Variants in GPC5 observed in about 807,000 individuals in gnomAD.
GPC5 encodes glypican-5.
GPC5 carries 47 observed loss-of-function variants against 53.9 expected under a neutral mutation model. The observed-to-expected ratio is 0.87, with a 90% CI of 0.69 to 1.11. The LOEUF (loss-of-function observed/expected upper bound fraction) is 1.11. Among genes scored for constraint, GPC5 ranks in the 50% most tolerant of loss-of-function variants. The probability of loss-of-function intolerance (pLI) is 0.00; values close to 1 mark genes in which losing one functional copy is unlikely to be tolerated. For missense variants in GPC5, 748 were observed against 713.1 expected (o/e 1.05, Z -0.56); for synonymous variants, 286 against 263.3 (o/e 1.09, Z -0.84).
chr13:92,051,958 A>G lies in GPC5; in HGVS notation c.1402-92872A>G, dbSNP rs144463317. Among the ~76,000 whole-genome samples, 14 of 152,260 alleles carry G rather than the reference A, an allele frequency of 9.2e-5. No homozygotes were observed. The East Asian group carries it at 2.5e-3, about 27-fold the overall frequency. On this transcript the variant is annotated intron_variant, in intron 6 of 7. Transcript: ENST00000377067. ...TGAGGGAATGCTTTTATAGTTCCAAACCTAGTGAGAGCAAATAAAGTGCAA... is the reference window on the plus strand; with the variant it reads ...TGAGGGAATGCTTTTATAGTTCCAAGCCTAGTGAGAGCAAATAAAGTGCAA...
chr13:92,863,539 G>A (rs1429128914), intron 7 of GPC5, among the ~76,000 whole-genome samples: 4 of 152,078 alleles, frequency 2.6e-5, no homozygotes, highest in Middle Eastern at 3.2e-3. Context: ...TGCTGCCCAG[G>A]CTGGAGTGCA....
At chr13:91,673,326 G>A (rs762400304) in intron 2 of GPC5, among the ~76,000 whole-genome samples, 2 of 152,010 alleles carry the variant, frequency 1.3e-5, no homozygotes, top group South Asian at 4.1e-4. Flanking sequence ...CCTGCCTAAA[G>A]GAATTATATA....
intron 7 of GPC5, among the ~76,000 whole-genome samples, chr13:92,325,531 CTG>C (rs1172317214): frequency 1.3e-5 from 2 of 151,980 alleles, no homozygotes; most frequent in East Asian, 3.9e-4. Flanking sequence ...ATTGTATTCA[CTG>C]TGGTGGAGCA....
chr13:92,089,700 A>T lies in GPC5; in HGVS notation c.1402-55130A>T, dbSNP rs2041364132. Reference sequence around the variant, plus strand: ...AATTTAATCATTTTTTCAGGAACCTAAATATTATTTATTAATTATTACTTT... The same window carrying T: ...AATTTAATCATTTTTTCAGGAACCTTAATATTATTTATTAATTATTACTTT... On this transcript the variant is annotated intron_variant, in intron 6 of 7. Transcript: ENST00000377067. 2.0e-5 allele frequency among the ~76,000 whole-genome samples: 3 copies of T among 152,268 alleles called. No individual in the cohort carries two copies. The South Asian group carries it at 6.2e-4, about 32-fold the overall frequency.
At chr13:92,765,275 A>G (rs187133420) in intron 7 of GPC5, among the ~76,000 whole-genome samples, 1 of 152,300 alleles carries the variant, frequency 6.6e-6, no homozygotes, top group East Asian at 1.9e-4. Flanking sequence ...GAACAGATTC[A>G]TGGCTGCTTA....
At chr13:92,040,355 G>A (rs940258084) in intron 6 of GPC5, among the ~76,000 whole-genome samples, 10 of 152,104 alleles carry the variant, frequency 6.6e-5, no homozygotes, top group Admixed American at 2.6e-4. Flanking sequence ...AGTGTGCGCC[G>A]CAATAGAATG....
At chr13:92,724,591 A>G (rs1888586957) in intron 7 of GPC5, among the ~76,000 whole-genome samples, 1 of 151,666 alleles carries the variant, frequency 6.6e-6, no homozygotes, top group Admixed American at 6.6e-5. Context: ...TAGAGGACAC[A>G]TGGTAAGTGA....
At chr13:92,553,585 G>A (rs963478959) in intron 7 of GPC5, among the ~76,000 whole-genome samples, 4 of 151,916 alleles carry the variant, frequency 2.6e-5, no homozygotes, top group African/African-American at 4.8e-5. Context: ...ATATAGGGCC[G>A]TAGAAGGTGG....
intron 7 of GPC5, among the ~76,000 whole-genome samples, chr13:92,458,625 G>T (rs1396084174): frequency 5.3e-5 from 8 of 151,988 alleles, no homozygotes; most frequent in Admixed American, 5.3e-4. Flanking sequence ...TAAAAGAAAG[G>T]GAGGGAAAAA....
At chr13:91,897,356 T>TGTG (rs1457388914) in intron 5 of GPC5, among the ~76,000 whole-genome samples, 2 of 139,098 alleles carry the variant, frequency 1.4e-5, no homozygotes, top group African/African-American at 5.1e-5. Flanking sequence ...TGTGTGTGTG[T>TGTG]GTGTGTGTGT....
chr13:91,710,060 T>A lies in GPC5; in HGVS notation c.1020+16179T>A, dbSNP rs1056690975. ...AAAGTACATGCAGTACTTCAGCCAT[T>A]CATCTTAACCCCATGTTGTGTTGAA... On this transcript the variant is annotated intron_variant, in intron 3 of 7. Transcript: ENST00000377067. 5.3e-5 allele frequency among the ~76,000 whole-genome samples: 8 copies of A among 152,204 alleles called. 1 individual carries two copies. In the South Asian group the frequency reaches 6.2e-4, roughly 12 times the overall value.
At chr13:91,804,333 A>G (rs2038186006) in intron 5 of GPC5, among the ~76,000 whole-genome samples, 1 of 152,080 alleles carries the variant, frequency 6.6e-6, no homozygotes, top group Non-Finnish European at 1.5e-5. Context: ...GCAGTAGTAT[A>G]GCTATAGCTC....
chr13:92,784,477 C>CTT (rs945899051), intron 7 of GPC5, among the ~76,000 whole-genome samples: 3 of 145,244 alleles, frequency 2.1e-5, no homozygotes, highest in South Asian at 2.2e-4. Context: ...CACAGTCTCC[C>CTT]TTTTTTTTTT....
intron 5 of GPC5, among the ~76,000 whole-genome samples, chr13:91,902,180 C>A (rs533742385): frequency 6.6e-6 from 1 of 151,994 alleles, no homozygotes; most frequent in East Asian, 1.9e-4. Flanking sequence ...GAATCTGAGC[C>A]AAATTCTATT....
chr13:91,752,069 G>T (rs9523405), intron 4 of GPC5, among the ~76,000 whole-genome samples: 51,216 of 152,084 alleles, frequency 0.34, 9,978 homozygotes, highest in East Asian at 0.64. Context: ...GCAGATGGCT[G>T]CCTTCACCCG....
rs181271154 is a variant in GPC5, at chr13:91,622,474, C to T, written c.326-70713C>T. Among the ~76,000 whole-genome samples, 25 of 151,898 alleles carry T rather than the reference C, an allele frequency of 1.6e-4. No homozygotes were observed. The East Asian group carries it at 2.9e-3, about 18-fold the overall frequency. ...CTGAACATGTTCGTTTTTGTTAGGA[C>T]GTTGTGGTTTAGGATTTTGATTTTT... On this transcript the variant is annotated intron_variant, in intron 2 of 7. Coordinates refer to ENST00000377067, the MANE Select transcript of GPC5 (RefSeq NM_004466.6).
At chr13:92,546,552 T>A (rs1216550041) in intron 7 of GPC5, among the ~76,000 whole-genome samples, 1 of 152,190 alleles carries the variant, frequency 6.6e-6, no homozygotes, top group Admixed American at 6.5e-5. Context: ...TCCATGCTCA[T>A]GGGTAGGAAG....
intron 7 of GPC5, among the ~76,000 whole-genome samples, chr13:92,486,876 G>A (rs1253238669): frequency 6.9e-6 from 1 of 145,636 alleles, no homozygotes; most frequent in African/African-American, 2.6e-5. Flanking sequence ...TTTTTTTTCA[G>A]ATGGAGTCTC....
intron 7 of GPC5, among the ~76,000 whole-genome samples, chr13:92,501,453 A>C (rs1880180787): frequency 6.6e-6 from 1 of 152,180 alleles, no homozygotes; most frequent in African/African-American, 2.4e-5. Context: ...CCTTTGGAAT[A>C]GTTCCTAAGG....
Sources: allele counts gnomAD v4.1 joint callset (sites outside exome capture counted in the v4.1 genomes callset), GRCh38; gene constraint gnomAD v4.1.1; transcripts MANE v1.5; gene names NCBI Gene and HGNC (gene_info 2026-07-23, HGNC 2026-07-21).